The following ZNRF1 variants were observed in gnomAD, a reference collection of about 807,000 sequenced individuals.
The protein encoded by ZNRF1 is zinc and ring finger 1, also known as E3 ubiquitin-protein ligase ZNRF1.
In ZNRF1, 3 loss-of-function variants were observed where a neutral mutation model predicts 18.4. That is an observed-to-expected ratio of 0.16 (90% CI 0.07 to 0.42). ZNRF1 has a LOEUF of 0.42. ZNRF1 is among the 10% of genes least tolerant of loss of function. The pLI is 0.99. For synonymous variants in ZNRF1, 157 were observed against 144.2 expected (o/e 1.09, Z -0.64); for missense variants, 310 against 329.8 (o/e 0.94, Z 0.47).
At chr16:75,026,374 C>G (rs1354314660) in intron 1 of ZNRF1, among the ~76,000 whole-genome samples, 2 of 151,952 alleles carry the variant, frequency 1.3e-5, no homozygotes, top group Non-Finnish European at 2.9e-5. Context: ...ACCCATTACC[C>G]AACAGCAAGG....
At chr16:75,094,339 T>C (rs2036175123) in intron 2 of ZNRF1, among the ~76,000 whole-genome samples, 1 of 152,166 alleles carries the variant, frequency 6.6e-6, no homozygotes, top group Non-Finnish European at 1.5e-5. Context: ...GGTAGGACCC[T>C]GAGGGCAGGG....
intron 1 of ZNRF1, among the ~76,000 whole-genome samples, chr16:75,075,430 C>A (rs1404645836): frequency 2.6e-5 from 4 of 152,250 alleles, no homozygotes; most frequent in Non-Finnish European, 2.9e-5. Flanking sequence ...TTCTGTCTCA[C>A]ACACGCTTCA....
chr16:75,042,449 T>C (rs892621997), intron 1 of ZNRF1, among the ~76,000 whole-genome samples: 8 of 149,262 alleles, frequency 5.4e-5, no homozygotes, highest in East Asian at 2.0e-4. Flanking sequence ...CTTTCTTTTT[T>C]TTTTTTTTTT....
intron 1 of ZNRF1, among the ~76,000 whole-genome samples, chr16:75,059,613 G>A (rs2035718037): frequency 6.6e-6 from 1 of 151,984 alleles, no homozygotes; most frequent in African/African-American, 2.4e-5. Flanking sequence ...CGGTTTTTCA[G>A]CCATCAAAAA....
At chr16:75,061,078 G>A (rs57364543) in intron 1 of ZNRF1, among the ~76,000 whole-genome samples, 17 of 152,260 alleles carry the variant, frequency 1.1e-4, no homozygotes, top group East Asian at 1.9e-4. Flanking sequence ...TTTTGATACA[G>A]GCATTCAGTG....
rs181440637 is a variant in ZNRF1, at chr16:75,081,152, G to A, written c.425-12420G>A. Among the ~76,000 whole-genome samples the A allele has an allele frequency of 5.9e-3, 905 of 152,314 alleles. 5 individuals carry two copies. Among genetic ancestry groups the A allele is most frequent in the Admixed American group, 0.011 (167 of 15,304 alleles). On this transcript the variant is annotated intron_variant, in intron 1 of 4. Transcript: ENST00000335325. ...CACGCCACTGCACTCCAGCCTGGGGGACAGAGCAAGACTCTGTCTCAAATA... is the reference window on the plus strand; with the variant it reads ...CACGCCACTGCACTCCAGCCTGGGGAACAGAGCAAGACTCTGTCTCAAATA...
chr16:75,004,332 C>T (rs575068601), intron 1 of ZNRF1, among the ~76,000 whole-genome samples: 2 of 152,278 alleles, frequency 1.3e-5, no homozygotes, highest in South Asian at 4.1e-4. Context: ...TGATGGCTGC[C>T]TCGGTGCTAT....
intron 1 of ZNRF1, among the ~76,000 whole-genome samples, chr16:75,081,472 A>G (rs2036011832): frequency 6.6e-6 from 1 of 152,118 alleles, no homozygotes; most frequent in African/African-American, 2.4e-5. Context: ...TTGTTTCTTG[A>G]GGGAAAGTGG....
At chr16:75,031,804 A>G (rs1375809046) in intron 1 of ZNRF1, among the ~76,000 whole-genome samples, 2 of 152,140 alleles carry the variant, frequency 1.3e-5, no homozygotes, top group African/African-American at 4.8e-5. Context: ...ACCCGGCTAT[A>G]TATACCTACG....
chr16:75,039,341 C>A (rs2035412935), intron 1 of ZNRF1, among the ~76,000 whole-genome samples: 1 of 151,788 alleles, frequency 6.6e-6, no homozygotes, highest in South Asian at 2.1e-4. Flanking sequence ...TGCTTTCCTG[C>A]AAATTGCTTT....
Position 75,025,213 on chromosome 16 carries a change from G to A in ZNRF1, c.424+25118G>A, listed in dbSNP as rs533191841. ...CTCTTGAGTAGCTGGGACTACAGGC[G>A]CCCGCCACCACACCCGGCTAATTTT... On this transcript the variant is annotated intron_variant, in intron 1 of 4. Transcript: ENST00000335325. Among the ~76,000 whole-genome samples the A allele has an allele frequency of 4.6e-5, 7 of 152,018 alleles. No individual in the cohort carries two copies. The East Asian group carries it at 1.2e-3, about 25-fold the overall frequency.
At chr16:75,035,129 CT>C (rs2035361191) in intron 1 of ZNRF1, among the ~76,000 whole-genome samples, 1 of 151,018 alleles carries the variant, frequency 6.6e-6, no homozygotes, top group Non-Finnish European at 1.5e-5. Context: ...TCCACCCCCC[CT>C]CCCCAGGTTC....
chr16:75,073,154 G>C (rs867840077), intron 1 of ZNRF1, among the ~76,000 whole-genome samples: 32 of 78,256 alleles, frequency 4.1e-4, no homozygotes, highest in African/African-American at 1.4e-3. Flanking sequence ...CTCTCTCTCT[G>C]TCTCTCTGTC....
chr16:75,062,747 G>A (rs2035758733), intron 1 of ZNRF1, among the ~76,000 whole-genome samples: 1 of 152,242 alleles, frequency 6.6e-6, no homozygotes, highest in Admixed American at 6.5e-5. Context: ...CGTCCGGAGG[G>A]CCTGGCCGTA....
chr16:75,017,046 G>A (rs1597859822), intron 1 of ZNRF1, among the ~76,000 whole-genome samples: 1 of 152,180 alleles, frequency 6.6e-6, no homozygotes, highest in African/African-American at 2.4e-5. Flanking sequence ...CCACCCTAAT[G>A]GGCAGTTTCA....
chr16:75,000,035 G>T lies in ZNRF1; in HGVS notation c.364G>T (p.Ala122Ser). 8.1e-6 allele frequency: 13 copies of T among 1,597,710 alleles called. No individual in the cohort carries two copies. The highest frequency in any genetic ancestry group is 1.1e-5 in the Non-Finnish European group (13 of 1,173,430). The change falls in exon 1 of 5, where the codon GCC becomes TCC. Residue 122 changes from alanine (A) to serine (S), a missense_variant. Physicochemically the swap from Ala to Ser is moderately conservative, Grantham distance 99. This residue lies in a region of ZNRF1 where 293 missense variants were observed against 291.2 expected (regional missense o/e 1.01). Coordinates refer to ENST00000335325, the MANE Select transcript of ZNRF1 (RefSeq NM_032268.5). The stretch of plus-strand genomic sequence containing the variant: ...CGGGATGCTGTACCTGGGCTCCCGA[G>T]CCTCGCTGGCGGATGCTCTACCTCT... The part of the protein sequence containing the change: ...RDGMLYLGSR[A>S]SLADALPLHI...
chr16:75,001,145 G>C (rs981133558), intron 1 of ZNRF1, among the ~76,000 whole-genome samples: 12 of 152,332 alleles, frequency 7.9e-5, no homozygotes, highest in African/African-American at 2.4e-4. Context: ...TTTTGGGTGA[G>C]TTGGGAAAAT....
intron 1 of ZNRF1, among the ~76,000 whole-genome samples, chr16:75,076,861 C>T (rs909364768): frequency 1.3e-5 from 2 of 151,858 alleles, no homozygotes; most frequent in African/African-American, 4.8e-5. Context: ...GCTTTCTCTC[C>T]AGCATGTGAG....
At chr16:75,073,130 C>CTG (rs1567486845) in intron 1 of ZNRF1, among the ~76,000 whole-genome samples, 5 of 125,876 alleles carry the variant, frequency 4.0e-5, no homozygotes, top group African/African-American at 1.2e-4. Context: ...CTCTCTCTCT[C>CTG]TCTCTCTCTC....
Sources: gnomAD v4.1 joint callset for allele counts (sites outside exome capture counted in the v4.1 genomes callset) on GRCh38, gnomAD v4.1.1 for gene constraint, gnomAD v4.1.1 regional missense constraint, MANE v1.5 for transcripts, NCBI Gene and HGNC (gene_info 2026-07-23, HGNC 2026-07-21) for gene names.